Variants in PLCG2 observed in about 807,000 individuals in gnomAD.
The protein encoded by PLCG2 is phospholipase C gamma 2.
A neutral mutation model predicts 175.6 loss-of-function variants in PLCG2; 69 were observed. The observed-to-expected ratio is 0.39, with a 90% CI of 0.32 to 0.48. The LOEUF is 0.48. PLCG2 is among the 20% of genes least tolerant of loss of function. The probability of loss-of-function intolerance (pLI) is 0.91; values close to 1 mark genes in which losing one functional copy is unlikely to be tolerated. For synonymous variants in PLCG2, 827 were observed against 624.0 expected, an observed-to-expected ratio of 1.33 and a Z score of -4.85; for missense variants, 1,798 against 1,650.9, an observed-to-expected ratio of 1.09 and a Z score of -1.54.
At chr16:81,881,003 G>T in intron 8 of PLCG2, 50 bp downstream of exon 8, 1 of 1,582,620 alleles carries the variant, frequency 6.3e-7, no homozygotes, top group Non-Finnish European at 8.7e-7. Flanking sequence ...GGACCTCGGT[G>T]CCTGGTGCCC....
intron 2 of PLCG2, among the ~76,000 whole-genome samples, chr16:81,848,882 A>G (rs930892779): frequency 3.3e-5 from 5 of 152,196 alleles, no homozygotes; most frequent in African/African-American, 9.6e-5. Flanking sequence ...GGTGCTTGGT[A>G]TAGATCATAG....
chr16:81,905,858 T>TGG (rs113818298), intron 15 of PLCG2, among the ~76,000 whole-genome samples: 1 of 152,050 alleles, frequency 6.6e-6, no homozygotes, highest in African/African-American at 2.4e-5. Flanking sequence ...TGGGATTTAG[T>TGG]CGTGTTGCCC....
At chr16:81,927,293 T>G in intron 23 of PLCG2, 115 bp downstream of exon 23, 1 of 720,774 alleles carries the variant, frequency 1.4e-6, no homozygotes, top group Non-Finnish European at 2.5e-6. Context: ...GTGGTCTCTG[T>G]GGAGCTCTGG....
intron 2 of PLCG2, among the ~76,000 whole-genome samples, chr16:81,847,886 C>T (rs1906206740): frequency 6.6e-6 from 1 of 152,144 alleles, no homozygotes; most frequent in South Asian, 2.1e-4. Context: ...ATTTTGGTAT[C>T]TGTGGAAGAT....
intron 22 of PLCG2, 49 bp from the exon 23 acceptor site, chr16:81,927,033 A>C (rs188448315): frequency 5.7e-4 from 731 of 1,274,438 alleles, no homozygotes; most frequent in Non-Finnish European, 7.6e-4. Context: ...GTAGTGGGTA[A>C]TTCATGCCAC....
At chr16:81,787,208 T>A (rs1012682368) in intron 2 of PLCG2, among the ~76,000 whole-genome samples, 1 of 129,606 alleles carries the variant, frequency 7.7e-6, no homozygotes, top group African/African-American at 3.0e-5. Context: ...ATCATTGTAC[T>A]CTTTTTTTTT....
chr16:81,881,062 A>G, intron 8 of PLCG2, 109 bp downstream of exon 8: 1 of 1,142,856 alleles, frequency 8.8e-7, no homozygotes, highest in Non-Finnish European at 1.3e-6. Flanking sequence ...CTGACCTCCA[A>G]AGGGGCAGGG....
intron 19 of PLCG2, among the ~76,000 whole-genome samples, chr16:81,917,714 C>T (rs1909899807): frequency 6.6e-6 from 1 of 152,132 alleles, no homozygotes; most frequent in South Asian, 2.1e-4. Flanking sequence ...GATCCTTTGT[C>T]CATTTTTTAA....
intron 2 of PLCG2, chr16:81,766,790 C>A (rs1910160555): frequency 6.6e-6 from 1 of 152,186 alleles, no homozygotes; most frequent in Admixed American, 6.5e-5. Flanking sequence ...GATGTCTCAG[C>A]CAAGAAGGTA....
chr16:81,959,927 C>G lies in PLCG2; in HGVS notation c.*1929C>G, dbSNP rs191889179. On this transcript the variant is annotated 3_prime_UTR_variant, in exon 33 of 33. Coordinates refer to ENST00000564138, the MANE Select transcript of PLCG2 (RefSeq NM_002661.5). ...AAGCCACAGTGCTAAGGCCTGCATC[C>G]CCTTTCTGCCCAAATGGGTTTTTTG... 1 of 198,624 alleles carries G rather than the reference C, an allele frequency of 5.0e-6. No individual in the cohort carries two copies. Among genetic ancestry groups the G allele is most frequent in the African/African-American group, 2.3e-5 (1 of 43,368 alleles). 12.3% of individuals were successfully genotyped at this position (198,624 alleles called of 1,614,324 possible). A position where few individuals can be genotyped will look rare whatever the true frequency, so the allele number is the denominator to read the frequency against.
At chr16:81,770,934 T>C (rs953740987) in intron 2 of PLCG2, among the ~76,000 whole-genome samples, 8 of 151,752 alleles carry the variant, frequency 5.3e-5, no homozygotes, top group African/African-American at 1.9e-4. Context: ...TGCAGGTGCC[T>C]GTGGTCCCAG....
At chr16:81,888,315 A>G (rs1908467459) in intron 9 of PLCG2, among the ~76,000 whole-genome samples, 1 of 152,070 alleles carries the variant, frequency 6.6e-6, no homozygotes, top group Non-Finnish European at 1.5e-5. Flanking sequence ...GGTTCAAGCA[A>G]TTCTCTTGCC....
rs563473638 is a variant in PLCG2, at chr16:81,937,806, C to A, written c.3101C>A (p.Thr1034Lys). The change falls in exon 28 of 33, where the codon ACG (threonine) becomes AAG (lysine). Residue 1034 changes from threonine (T) to lysine (K), a missense_variant. Coordinates refer to ENST00000564138, the MANE Select transcript of PLCG2 (RefSeq NM_002661.5). ...GCATTGTTTTCTCTCAATGGGCGCA[C>A]GGGCTACGTTCTGCAGCCTGAGAGC... ...NHALFSLNGR[T>K]GYVLQPESMR... is the part of the protein sequence containing the mutation. The A allele has an allele frequency of 1.2e-6, 2 of 1,613,818 alleles. No homozygotes were observed. The highest frequency in any genetic ancestry group is 3.3e-5 in the Admixed American group (2 of 60,016).
intron 21 of PLCG2, among the ~76,000 whole-genome samples, chr16:81,922,243 A>C (rs1022197044): frequency 2.0e-4 from 30 of 152,242 alleles, no homozygotes; most frequent in Non-Finnish European, 2.9e-5. Flanking sequence ...AACATCATGC[A>C]CTATGGCACT....
chr16:81,819,089 A>C (rs145533399), intron 2 of PLCG2, among the ~76,000 whole-genome samples: 1 of 152,096 alleles, frequency 6.6e-6, no homozygotes, highest in Non-Finnish European at 1.5e-5. Context: ...AAGTCTACAC[A>C]GCGGGGCATG....
At chr16:81,933,112 T>C (rs982291364) in intron 25 of PLCG2, among the ~76,000 whole-genome samples, 3 of 152,238 alleles carry the variant, frequency 2.0e-5, no homozygotes, top group Non-Finnish European at 2.9e-5. Flanking sequence ...GTTCCTGAAA[T>C]GAAGCTGAGC....
intron 7 of PLCG2, among the ~76,000 whole-genome samples, chr16:81,877,826 G>A (rs1055873594): frequency 2.0e-5 from 3 of 151,528 alleles, no homozygotes; most frequent in Non-Finnish European, 4.4e-5. Flanking sequence ...GCTTGTAGAT[G>A]TCATTGCATC....
chr16:81,857,712 C>G (rs1332567251), intron 3 of PLCG2, among the ~76,000 whole-genome samples: 2 of 152,128 alleles, frequency 1.3e-5, no homozygotes, highest in African/African-American at 4.8e-5. Context: ...ACCTAAATAC[C>G]TCACAAAGGC....
intron 2 of PLCG2, among the ~76,000 whole-genome samples, chr16:81,787,144 C>T (rs1314438221): frequency 2.6e-5 from 4 of 152,194 alleles, no homozygotes; most frequent in African/African-American, 7.2e-5. Flanking sequence ...AGTTTAACTC[C>T]AGAGAAGGGC....
Sources: allele counts gnomAD v4.1 joint callset (sites outside exome capture counted in the v4.1 genomes callset), GRCh38; gene constraint gnomAD v4.1.1; transcripts MANE v1.5; gene names NCBI Gene and HGNC (gene_info 2026-07-23, HGNC 2026-07-21).